NEBL: variants seen among roughly 807,000 people sequenced by gnomAD.
NEBL encodes the protein nebulette.
Under a neutral mutation model 140.2 loss-of-function variants are expected in NEBL, and 122 were observed. That is an observed-to-expected ratio of 0.87 (90% CI 0.75 to 1.01). The LOEUF is 1.01. Ranked by LOEUF, NEBL falls within the 50% of genes least tolerant of loss-of-function variation. NEBL has a pLI of 0.00. For missense variants in NEBL, 1,365 were observed against 1,231.3 expected (o/e 1.11, Z -1.62); for synonymous variants, 436 against 398.9 (o/e 1.09, Z -1.11).
intron 2 of NEBL, among the ~76,000 whole-genome samples, chr10:21,045,201 T>A (rs1259121869): frequency 6.6e-6 from 1 of 152,196 alleles, no homozygotes; most frequent in Non-Finnish European, 1.5e-5. Flanking sequence ...GTTTCTGAAT[T>A]GTAGGAAATA....
intron 2 of NEBL, among the ~76,000 whole-genome samples, chr10:21,082,532 C>T (rs1317812444): frequency 1.3e-5 from 1 of 75,458 alleles, no homozygotes; most frequent in East Asian, 3.0e-4. Flanking sequence ...TCCCCACCAC[C>T]ACTAAAAAAA....
intron 25 of NEBL, among the ~76,000 whole-genome samples, chr10:20,809,050 G>C (rs546957719): frequency 2.0e-5 from 3 of 152,184 alleles, no homozygotes; most frequent in African/African-American, 7.2e-5. Context: ...ACACTGTTTG[G>C]CTAACTATAT....
chr10:21,090,175 C>T (rs1450218417), intron 2 of NEBL, among the ~76,000 whole-genome samples: 2 of 152,288 alleles, frequency 1.3e-5, no homozygotes, highest in Middle Eastern at 3.4e-3. Flanking sequence ...CAGTGAAGTG[C>T]TTGCAAAACA....
intron 26 of NEBL, among the ~76,000 whole-genome samples, chr10:20,793,130 T>G (rs569149594): frequency 6.6e-6 from 1 of 152,320 alleles, no homozygotes; most frequent in South Asian, 2.1e-4. Flanking sequence ...TGCAGATTCT[T>G]AATTATAAGC....
intron 24 of NEBL, among the ~76,000 whole-genome samples, chr10:20,810,360 AAAAC>A (rs1192364661): frequency 2.6e-5 from 4 of 151,610 alleles, no homozygotes; most frequent in Admixed American, 6.6e-5. Flanking sequence ...TTTAAAAAAC[AAAAC>A]AAACAAAAAA....
intron 2 of NEBL, among the ~76,000 whole-genome samples, chr10:21,121,251 C>G (rs1401078454): frequency 6.6e-6 from 1 of 152,050 alleles, no homozygotes. Flanking sequence ...CAACCTGAGC[C>G]CTTAACACTG....
rs377485549 is a variant in NEBL, at chr10:21,168,016, C to T, written c.164+4367G>A. Among the ~76,000 whole-genome samples the T allele has an allele frequency of 6.6e-5, 10 of 152,192 alleles. No homozygotes were observed. In the East Asian group the frequency reaches 9.6e-4, roughly 15 times the overall value. The stretch of plus-strand genomic sequence containing the variant: ...TGCGTTAGGAGCAAAATGGGTATTA[C>T]GCCCAATCTTACATCTAGTGTGTAC... On this transcript the variant is annotated intron_variant, in intron 2 of 6. Transcript: ENST00000417816.
chr10:21,034,488 C>T (rs1833936765), intron 2 of NEBL, among the ~76,000 whole-genome samples: 1 of 152,184 alleles, frequency 6.6e-6, no homozygotes, highest in East Asian at 1.9e-4. Context: ...TGTTGCCAGA[C>T]ATCCTAGAGC....
In NEBL at chr10:20,852,567, C is replaced by A. The variant is rs776185255; in HGVS notation, c.986G>T (p.Gly329Val). 50 of 1,613,242 alleles carry A rather than the reference C, an allele frequency of 3.1e-5. No individual in the cohort carries two copies. Among genetic ancestry groups the A allele is most frequent in the Non-Finnish European group, 4.2e-5 (49 of 1,179,776 alleles). Residue 329 changes from glycine to valine, a missense_variant, in exon 10 of 28, where the codon GGC becomes GTC. Physicochemically the swap from Gly to Val is moderately radical, Grantham distance 109 (BLOSUM62 -3). Coordinates refer to ENST00000377122, the MANE Select transcript of NEBL (RefSeq NM_006393.3). ...ADAVEHLHHKGNAVLQSQVKY... is the reference protein window; with the variant it reads ...ADAVEHLHHKVNAVLQSQVKY... ...TACCTGACTTTGGAGGACGGCATTG[C>A]CTTTATGGTGCAGATGTTCCACAGC...
At chr10:20,868,596 AT>A in intron 7 of NEBL, 67 bp downstream of exon 7, 1 of 1,059,966 alleles carries the variant, frequency 9.4e-7, no homozygotes, top group Middle Eastern at 2.0e-4. Context: ...AAAATGCAAT[AT>A]TCTCCTGTGC....
At position 20,780,737 on chromosome 10, in the gene NEBL, T is replaced by C. The variant is rs1208659226; in HGVS notation, c.*5010A>G. The stretch of plus-strand genomic sequence containing the variant: ...AAATACAGAGAGAAAACACAGAATA[T>C]TAAGACCCTGAAGAGAGTGCATTTG... On this transcript the variant is annotated 3_prime_UTR_variant, in exon 28 of 28. Coordinates refer to ENST00000377122, the MANE Select transcript of NEBL (RefSeq NM_006393.3). The C allele has an allele frequency of 6.6e-6, 1 of 152,182 alleles. No individual in the cohort carries two copies. The highest frequency in any genetic ancestry group is 1.5e-5 in the Non-Finnish European group (1 of 68,042). The allele number at this position is 152,182 out of a possible 1,614,324, so 9.4% of individuals were successfully genotyped here. A position where few individuals can be genotyped will look rare whatever the true frequency, so the allele number is the denominator to read the frequency against.
intron 4 of NEBL, among the ~76,000 whole-genome samples, chr10:20,937,300 C>A (rs957812244): frequency 6.6e-6 from 1 of 152,182 alleles, no homozygotes; most frequent in African/African-American, 2.4e-5. Context: ...CTGAGTCACG[C>A]AAAGGGCTTT....
At chr10:21,212,935 C>T (rs1310238399) in intron 3 of NEBL, among the ~76,000 whole-genome samples, 1 of 152,064 alleles carries the variant, frequency 6.6e-6, no homozygotes, top group Non-Finnish European at 1.5e-5. Context: ...GAAAATACAG[C>T]TCATTAAGTT....
At chr10:20,924,597 G>C (rs138148754) in intron 4 of NEBL, among the ~76,000 whole-genome samples, 1 of 151,438 alleles carries the variant, frequency 6.6e-6, no homozygotes, top group Non-Finnish European at 1.5e-5. Context: ...GGTCATTTCT[G>C]ATGAAATGAG....
intron 3 of NEBL, among the ~76,000 whole-genome samples, chr10:21,018,544 C>A (rs1371840915): frequency 6.6e-6 from 1 of 152,140 alleles, no homozygotes; most frequent in East Asian, 1.9e-4. Context: ...TAGCTCCCAA[C>A]CATCTATTCA....
Position 20,845,399 on chromosome 10 carries a change from T to C in NEBL, c.1117-31A>G, listed in dbSNP as rs558549666. The C allele has an allele frequency of 7.6e-6, 10 of 1,314,938 alleles. No individual in the cohort carries two copies. The African/African-American group carries it at 1.3e-4, about 17-fold the overall frequency. 81.5% of individuals were successfully genotyped at this position (1,314,938 alleles called of 1,614,324 possible). On this transcript the variant is annotated intron_variant, in intron 11 of 27. Transcript: ENST00000377122. Reference sequence around the variant, plus strand: ...AAATAAGACCACATAATTTTAAAGTTAGCAAATATCAGTGACCATTGAAAA... The same window carrying C: ...AAATAAGACCACATAATTTTAAAGTCAGCAAATATCAGTGACCATTGAAAA...
chr10:20,836,459 G>A (rs1028305914), intron 13 of NEBL, among the ~76,000 whole-genome samples: 5 of 152,112 alleles, frequency 3.3e-5, no homozygotes, highest in Non-Finnish European at 4.4e-5. Context: ...CTGACCTCAG[G>A]TGATCCACCC....
intron 2 of NEBL, among the ~76,000 whole-genome samples, chr10:21,131,645 T>G (rs1259380248): frequency 8.1e-6 from 1 of 123,912 alleles, no homozygotes; most frequent in African/African-American, 2.9e-5. Flanking sequence ...TTCAAATCCA[T>G]GTAGAACCTC....
intron 2 of NEBL, among the ~76,000 whole-genome samples, chr10:21,054,430 C>T (rs913849568): frequency 1.3e-5 from 2 of 152,182 alleles, no homozygotes; most frequent in Admixed American, 6.5e-5. Flanking sequence ...CCAAGCATTT[C>T]CGGGTCATTC....
Sources: allele counts gnomAD v4.1 joint callset (sites outside exome capture counted in the v4.1 genomes callset), GRCh38; gene constraint gnomAD v4.1.1; transcripts MANE v1.5; gene names NCBI Gene and HGNC (gene_info 2026-07-23, HGNC 2026-07-21).